The following GALNT13 variants were observed in gnomAD, a reference collection of about 807,000 sequenced individuals.
GALNT13 encodes the protein polypeptide N-acetylgalactosaminyltransferase 13, also known as UDP-GalNAc:polypeptide N-acetylgalactosaminyltransferase 13.
Under a neutral mutation model 64.2 loss-of-function variants are expected in GALNT13, and 28 were observed. The ratio of observed to expected loss-of-function variants is 0.44; its 90% CI spans 0.32 to 0.60. The LOEUF is 0.60. GALNT13 is among the 20% of genes least tolerant of loss of function. The probability of loss-of-function intolerance (pLI) is 0.05; values close to 1 mark genes in which losing one functional copy is unlikely to be tolerated. For synonymous variants in GALNT13, 214 were observed against 224.6 expected (o/e 0.95, Z 0.42); for missense variants, 577 against 669.8 (o/e 0.86, Z 1.53).
In GALNT13 at chr2:154,218,931, A is replaced by G. The variant is rs187353315; in HGVS notation, c.312-23099A>G. On this transcript the variant is annotated intron_variant, in intron 4 of 12. Coordinates refer to ENST00000392825, the MANE Select transcript of GALNT13 (RefSeq NM_052917.4). Reference sequence around the variant, plus strand: ...ATATTGTCTTGCATCTAACCAAGTCAGAGTGTGCCCTACAGTTATGCCTAA... The same window carrying G: ...ATATTGTCTTGCATCTAACCAAGTCGGAGTGTGCCCTACAGTTATGCCTAA... Among the ~76,000 whole-genome samples the G allele has an allele frequency of 3.9e-5, 6 of 152,166 alleles. No individual in the cohort carries two copies. The East Asian group carries it at 9.7e-4, about 25-fold the overall frequency.
chr2:154,225,148 CAGATAGATAGATGATAGAT>C (rs1688535573), intron 4 of GALNT13, among the ~76,000 whole-genome samples: 1 of 66,044 alleles, frequency 1.5e-5, no homozygotes, highest in Admixed American at 1.6e-4. Flanking sequence ...AGATAGATGA[CAGATAGATAGATGATAGAT>C]AGATAGATAG....
At chr2:153,441,300 G>T in the GALNT13 span, among the ~76,000 whole-genome samples, 1 of 152,092 alleles carries the variant, frequency 6.6e-6, no homozygotes, top group Non-Finnish European at 1.5e-5. Flanking sequence ...ATGTTCCATT[G>T]GTCTATATAT....
At chr2:153,618,164 A>G in the GALNT13 span, among the ~76,000 whole-genome samples, 1 of 151,782 alleles carries the variant, frequency 6.6e-6, no homozygotes, top group African/African-American at 2.4e-5. Context: ...TCTTATACCT[A>G]TAAACTTCTC....
At chr2:153,365,508 A>G in the GALNT13 span, among the ~76,000 whole-genome samples, 1 of 152,202 alleles carries the variant, frequency 6.6e-6, no homozygotes, top group African/African-American at 2.4e-5. Flanking sequence ...ACAAAGGTCT[A>G]ACATCCAGAG....
chr2:153,952,587 G>T (rs1166336977), intron 3 of GALNT13, among the ~76,000 whole-genome samples: 1 of 152,042 alleles, frequency 6.6e-6, no homozygotes, highest in Admixed American at 6.6e-5. Context: ...ATCACAGAGG[G>T]CAAAAGGGAT....
At chr2:153,602,593 C>G in the GALNT13 span, among the ~76,000 whole-genome samples, 2 of 151,638 alleles carry the variant, frequency 1.3e-5, no homozygotes, top group Admixed American at 1.3e-4. Context: ...TAAGAGAGTT[C>G]TTAGTGTAAA....
At chr2:154,377,014 A>T (rs545151894) in intron 9 of GALNT13, among the ~76,000 whole-genome samples, 1 of 152,320 alleles carries the variant, frequency 6.6e-6, no homozygotes, top group East Asian at 1.9e-4. Flanking sequence ...CAGAACCTGG[A>T]ATATAATACA....
intron 3 of GALNT13, among the ~76,000 whole-genome samples, chr2:153,966,565 T>C (rs1044653916): frequency 2.0e-5 from 3 of 152,046 alleles, no homozygotes; most frequent in African/African-American, 7.2e-5. Flanking sequence ...ACACGGGGTC[T>C]CACCGTGTTA....
At chr2:154,217,805 T>A (rs961304311) in intron 4 of GALNT13, among the ~76,000 whole-genome samples, 2 of 152,174 alleles carry the variant, frequency 1.3e-5, no homozygotes, top group African/African-American at 4.8e-5. Flanking sequence ...AAAAATATGC[T>A]GTCCTCACAA....
intron 3 of GALNT13, among the ~76,000 whole-genome samples, chr2:154,117,747 C>T (rs1394504517): frequency 6.6e-6 from 1 of 152,072 alleles, no homozygotes; most frequent in Non-Finnish European, 1.5e-5. Flanking sequence ...GAAAGGACTC[C>T]CTGTTCAAAA....
chr2:153,304,809 T>A, the GALNT13 span, among the ~76,000 whole-genome samples: 1 of 152,180 alleles, frequency 6.6e-6, no homozygotes, highest in Non-Finnish European at 1.5e-5. Context: ...AAGTCAGTTT[T>A]CCTCATTTCC....
the GALNT13 span, among the ~76,000 whole-genome samples, chr2:153,140,452 G>T: frequency 1.2e-3 from 175 of 152,118 alleles, 2 homozygotes; most frequent in Middle Eastern, 0.024. Flanking sequence ...TTCATAAAAG[G>T]TGAAGAAACT....
the GALNT13 span, among the ~76,000 whole-genome samples, chr2:153,720,164 A>G: frequency 6.8e-6 from 1 of 146,092 alleles, no homozygotes; most frequent in African/African-American, 2.6e-5. Context: ...CTGACCCCCG[A>G]GCAGCCTAAC....
At chr2:153,655,331 T>G in the GALNT13 span, among the ~76,000 whole-genome samples, 1 of 152,170 alleles carries the variant, frequency 6.6e-6, no homozygotes, top group African/African-American at 2.4e-5. Flanking sequence ...GTCTGATGAC[T>G]TTTAACTAAA....
the GALNT13 span, among the ~76,000 whole-genome samples, chr2:153,578,942 C>G: frequency 6.6e-6 from 1 of 152,182 alleles, no homozygotes; most frequent in African/African-American, 2.4e-5. Context: ...TCATGGCCAT[C>G]AGACAATGAA....
At chr2:154,073,235 A>G (rs1412419000) in intron 3 of GALNT13, among the ~76,000 whole-genome samples, 1 of 150,356 alleles carries the variant, frequency 6.7e-6, no homozygotes, top group Non-Finnish European at 1.5e-5. Context: ...CGACTGTTTG[A>G]GTTGCAAAAT....
Position 154,211,134 on chromosome 2 carries a change from T to C in GALNT13, c.312-30896T>C, listed in dbSNP as rs79217016. Among the ~76,000 whole-genome samples, 986 of 152,190 alleles carry C rather than the reference T, an allele frequency of 6.5e-3. 11 individuals carry two copies. Among genetic ancestry groups the C allele is most frequent in the African/African-American group, 0.021 (891 of 41,508 alleles). On this transcript the variant is annotated intron_variant, in intron 4 of 12. Coordinates refer to ENST00000392825, the MANE Select transcript of GALNT13 (RefSeq NM_052917.4). ...TCTACACTCATGCATTGCTTAACAG[T>C]GGGAAATGTGTCCTTAGGTTATTTT...
the GALNT13 span, among the ~76,000 whole-genome samples, chr2:153,228,622 C>G: frequency 1.3e-5 from 2 of 152,020 alleles, no homozygotes; most frequent in Admixed American, 1.3e-4. Flanking sequence ...GCTCTGTAAT[C>G]CCAGCACTTT....
At chr2:154,217,061 A>G (rs1219108879) in intron 4 of GALNT13, among the ~76,000 whole-genome samples, 1 of 151,824 alleles carries the variant, frequency 6.6e-6, no homozygotes, top group Non-Finnish European at 1.5e-5. Flanking sequence ...CAAAAGCACT[A>G]AGATAACAGG....
Sources: gnomAD v4.1 joint callset for allele counts (sites outside exome capture counted in the v4.1 genomes callset) on GRCh38, gnomAD v4.1.1 for gene constraint, MANE v1.5 for transcripts, NCBI Gene and HGNC (gene_info 2026-07-23, HGNC 2026-07-21) for gene names.